Variants in ATP6V1D observed in about 807,000 individuals in gnomAD.
ATP6V1D encodes ATPase H+ transporting V1 subunit D, also known as V-type proton ATPase subunit D.
Under a neutral mutation model 39.4 loss-of-function variants are expected in ATP6V1D, and 20 were observed. The observed-to-expected ratio is 0.51, with a 90% CI of 0.36 to 0.74. The LOEUF (loss-of-function observed/expected upper bound fraction) is 0.74, where lower values mean the gene tolerates loss of function less well. Among genes scored for constraint, ATP6V1D ranks in the 30% least tolerant of loss-of-function variants. The pLI is 0.00. For synonymous variants in ATP6V1D, 100 were observed against 100.5 expected, an observed-to-expected ratio of 0.99 and a Z score of 0.03; for missense variants, 228 against 291.6, an observed-to-expected ratio of 0.78 and a Z score of 1.59.
chr14:67,352,835 TTAAAA>T, intron 2 of ATP6V1D, 83 bp downstream of exon 2: 1 of 781,970 alleles, frequency 1.3e-6, no homozygotes, highest in Admixed American at 3.3e-5. Context: ...AAAAAATTAA[TTAAAA>T]TAACAACAAC....
At chr14:67,349,153 C>A in intron 3 of ATP6V1D, 49 bp from the exon 4 acceptor site, 1 of 1,535,532 alleles carries the variant, frequency 6.5e-7, no homozygotes, top group South Asian at 1.1e-5. Context: ...CAGAAATAAA[C>A]CTACAGGGAC....
intron 1 of ATP6V1D, among the ~76,000 whole-genome samples, chr14:67,354,418 A>T (rs2085672878): frequency 6.6e-6 from 1 of 152,206 alleles, no homozygotes; most frequent in Non-Finnish European, 1.5e-5. Context: ...CAAAATTTTA[A>T]ATGCAATTAT....
At chr14:67,348,802 G>A (rs1425978349) in intron 4 of ATP6V1D, 3 of 406,110 alleles carry the variant, frequency 7.4e-6, no homozygotes, top group East Asian at 5.3e-5. Context: ...TTACAGGCAT[G>A]AGCCACCGTG....
In ATP6V1D at chr14:67,352,915, C is replaced by T; in HGVS notation, c.159+8G>A. 6.4e-7 allele frequency: 1 copy of T among 1,573,932 alleles called. No homozygotes were observed. Among genetic ancestry groups the T allele is most frequent in the South Asian group, 1.1e-5 (1 of 87,378 alleles). On this transcript the variant is annotated splice_region_variant and intron_variant, in intron 2 of 8. Transcript: ENST00000216442. ...AATAAATACTATTCTAAGAAAAGTT[C>T]ATTCTACCTCTATTATCTTCTTTAG...
At chr14:67,352,877 T>C (rs928105372) in intron 2 of ATP6V1D, 46 bp downstream of exon 2, 30 of 1,352,176 alleles carry the variant, frequency 2.2e-5, no homozygotes, top group Non-Finnish European at 3.0e-5. Context: ...AGGGCCATGC[T>C]GGATTTTTCT....
At chr14:67,341,007 G>A (rs960569477) in intron 7 of ATP6V1D, among the ~76,000 whole-genome samples, 12 of 152,164 alleles carry the variant, frequency 7.9e-5, no homozygotes, top group African/African-American at 2.7e-4. Flanking sequence ...GTGCAGTGGC[G>A]TGATCTCGGC....
In ATP6V1D at chr14:67,343,413, G is replaced by A; in HGVS notation, c.482C>T (p.Ala161Val). The A allele has an allele frequency of 6.2e-7, 1 of 1,610,938 alleles. No individual in the cohort carries two copies. The highest frequency in any genetic ancestry group is 8.5e-7 in the Non-Finnish European group (1 of 1,177,354). The change falls in exon 7 of 9, where the codon GCT becomes GTT. Residue 161 changes from alanine to valine, a missense_variant. Ala to Val is a moderately conservative substitution (Grantham distance 64). Coordinates refer to ENST00000216442, the MANE Select transcript of ATP6V1D (RefSeq NM_015994.4). ...LQTSFVTLDE[A>V]IKITNRRVNA... Reference sequence around the variant, plus strand: ...TACACGCCTGTTGGTTATCTTAATAGCTTCATCCAAAGTAACAAAAGAAGT... The same window carrying A: ...TACACGCCTGTTGGTTATCTTAATAACTTCATCCAAAGTAACAAAAGAAGT...
intron 8 of ATP6V1D, 74 bp downstream of exon 8, chr14:67,340,366 C>G: frequency 7.9e-7 from 1 of 1,269,274 alleles, no homozygotes; most frequent in Non-Finnish European, 1.1e-6. Flanking sequence ...CATAAACCAA[C>G]AAGTCATTCA....
intron 2 of ATP6V1D, among the ~76,000 whole-genome samples, chr14:67,351,692 C>CT (rs1254490455): frequency 4.0e-5 from 6 of 151,480 alleles, no homozygotes; most frequent in Admixed American, 1.3e-4. Context: ...TCTTCTTCTT[C>CT]TTCTTTTTTG....
intron 7 of ATP6V1D, among the ~76,000 whole-genome samples, chr14:67,341,802 A>T (rs1039258888): frequency 6.6e-6 from 1 of 152,228 alleles, no homozygotes; most frequent in Non-Finnish European, 1.5e-5. Flanking sequence ...GTGTAGAAAG[A>T]AGTAGACATG....
chr14:67,358,111 G>A (rs2085698251), intron 1 of ATP6V1D, among the ~76,000 whole-genome samples: 2 of 152,092 alleles, frequency 1.3e-5, no homozygotes, highest in Non-Finnish European at 2.9e-5. Context: ...GGCGGCGGGG[G>A]GCGGCCTGGG....
intron 1 of ATP6V1D, among the ~76,000 whole-genome samples, chr14:67,357,778 CAGAGA>C: frequency 6.6e-6 from 1 of 152,270 alleles, no homozygotes; most frequent in East Asian, 1.9e-4. Flanking sequence ...CAAGAAGAGT[CAGAGA>C]AGAGAAACCT....
rs960972603 is a variant in ATP6V1D at position 67,359,672 on chromosome 14, G to C, written c.27C>G (p.Ile9Met). Residue 9 changes from isoleucine to methionine, a missense_variant, in exon 1 of 9, where the codon ATC becomes ATG. Around this residue, in one of 3 missense-constraint regions of ATP6V1D, gnomAD observed 104 missense variants for 120.2 expected, o/e 0.87. Coordinates refer to ENST00000216442, the MANE Select transcript of ATP6V1D (RefSeq NM_015994.4). MSGKDRIE[I>M]FPSRMAQTIM... The stretch of plus-strand genomic sequence containing the variant: ...CCTTTACTTACATTCGCGAGGGAAA[G>C]ATTTCAATTCGGTCTTTGCCCGACA... 4 of 1,614,050 alleles carry C rather than the reference G, an allele frequency of 2.5e-6. No homozygotes were observed. In the African/African-American group the frequency reaches 5.3e-5, roughly 22 times the overall value.
At chr14:67,347,698 C>T (rs2085629591) in intron 4 of ATP6V1D, among the ~76,000 whole-genome samples, 1 of 151,916 alleles carries the variant, frequency 6.6e-6, no homozygotes, top group African/African-American at 2.4e-5. Context: ...CGGGGTTTCT[C>T]CATGTTGGTA....
chr14:67,347,509 TTTTTTTTC>T, intron 4 of ATP6V1D, 56 bp from the exon 5 acceptor site: 2 of 1,492,272 alleles, frequency 1.3e-6, no homozygotes, highest in South Asian at 2.4e-5. Context: ...TCTCTTTTTT[TTTTTTTTC>T]TGAGACGGAG....
chr14:67,352,257 C>T (rs183648813), intron 2 of ATP6V1D, among the ~76,000 whole-genome samples: 279 of 151,880 alleles, frequency 1.8e-3, no homozygotes, highest in African/African-American at 6.3e-3. Context: ...TGTTTGAGCC[C>T]GGGAGTCAAA....
At chr14:67,349,389 A>G (rs550967702) in intron 3 of ATP6V1D, among the ~76,000 whole-genome samples, 5 of 152,372 alleles carry the variant, frequency 3.3e-5, no homozygotes, top group South Asian at 2.1e-4. Context: ...GGTGTGCTAC[A>G]TGGATATAAC....
chr14:67,340,789 TCA>T (rs1469821297), intron 7 of ATP6V1D, among the ~76,000 whole-genome samples: 1 of 152,160 alleles, frequency 6.6e-6, no homozygotes, highest in South Asian at 2.1e-4. Context: ...TTCTCCTGCC[TCA>T]GCCTGCCGAG....
At chr14:67,352,632 G>C (rs920155788) in intron 2 of ATP6V1D, 10 of 233,888 alleles carry the variant, frequency 4.3e-5, no homozygotes, top group African/African-American at 1.6e-4. Context: ...TTTCAGGCAG[G>C]AGAAAGAGCT....
Sources: allele counts gnomAD v4.1 joint callset (sites outside exome capture counted in the v4.1 genomes callset), GRCh38; gene constraint gnomAD v4.1.1; regional missense constraint gnomAD v4.1.1; transcripts MANE v1.5; gene names NCBI Gene and HGNC (gene_info 2026-07-23, HGNC 2026-07-21).